Variants in PSME3 observed in about 807,000 individuals in gnomAD.
PSME3 encodes the protein proteasome activator subunit 3.
PSME3 carries 7 observed loss-of-function variants against 38.3 expected under a neutral mutation model. The observed-to-expected ratio is 0.18, with a 90% confidence interval of 0.10 to 0.34. PSME3 has a LOEUF of 0.34. Ranked by LOEUF, PSME3 falls within the 10% of genes least tolerant of loss-of-function variation. PSME3 has a pLI of 1.00. For synonymous variants in PSME3, 108 were observed against 105.7 expected (o/e 1.02, Z -0.13); for missense variants, 192 against 307.6 (o/e 0.62, Z 2.81).
chr17:42,842,085 C>T lies in PSME3; in HGVS notation c.*507C>T, dbSNP rs1199235653. 6.5e-6 allele frequency: 1 copy of T among 152,832 alleles called. No homozygotes were observed. Among genetic ancestry groups the T allele is most frequent in the East Asian group, 1.9e-4 (1 of 5,332 alleles). 9.5% of individuals were successfully genotyped at this position (152,832 alleles called of 1,614,324 possible). A position where few individuals can be genotyped will look rare whatever the true frequency, so the allele number is the denominator to read the frequency against. ...CCTCCCACAGTTGCCCTGGTGATGA[C>T]TTAGGGCTTCCCATCTGTGTACATC... On this transcript the variant is annotated 3_prime_UTR_variant, in exon 11 of 11. Transcript: ENST00000590720.
Position 42,833,556 on chromosome 17 carries a change from C to G in PSME3, c.-76C>G. 2 of 1,589,834 alleles carry G rather than the reference C, an allele frequency of 1.3e-6. No homozygotes were observed. The highest frequency in any genetic ancestry group is 1.1e-5 in the South Asian group (1 of 90,404). On this transcript the variant is annotated 5_prime_UTR_variant, in exon 1 of 11. Coordinates refer to ENST00000590720, the MANE Select transcript of PSME3 (RefSeq NM_005789.4). Reference sequence around the variant, plus strand: ...GGTCCCGAGGTCAGCCGAGATTTCTCAGGTCCCTCCGGCCCCCTCCCTGGA... The same window carrying G: ...GGTCCCGAGGTCAGCCGAGATTTCTGAGGTCCCTCCGGCCCCCTCCCTGGA...
rs767182850 is a variant in PSME3, at chr17:42,841,593, C to T, written c.*15C>T. 64 of 1,563,664 alleles carry T rather than the reference C, an allele frequency of 4.1e-5. 2 individuals carry two copies. In the South Asian group the frequency reaches 5.8e-4, roughly 14 times the overall value. The stretch of plus-strand genomic sequence containing the variant: ...CTCTGTACTGAGGCCAGGGCCAGGG[C>T]CAGGGGACTCTGTGAGTCTGGCTCA... On this transcript the variant is annotated 3_prime_UTR_variant, in exon 11 of 11. Transcript: ENST00000590720.
Position 42,839,163 on chromosome 17 carries a change from T to C in PSME3, c.594T>C (p.His198=). 1 of 1,579,582 alleles carries C rather than the reference T, an allele frequency of 6.3e-7. No individual in the cohort carries two copies. Among genetic ancestry groups the C allele is most frequent in the African/African-American group, 1.3e-5 (1 of 74,176 alleles). Residue 198 remains histidine (H), a synonymous_variant, in exon 9 of 11, where the codon CAT becomes CAC. Transcript: ENST00000590720. Reference sequence around the variant, plus strand: ...TTTCTAAAATAGCTAAATATCCCCATGTGGTAAGTAAGGGGTTTGTGGCCT... The same window carrying C: ...TTTCTAAAATAGCTAAATATCCCCACGTGGTAAGTAAGGGGTTTGTGGCCT... ...KLVSKIAKYP[H]VEDYRRTVTE...
In PSME3 at chr17:42,843,665, G is replaced by A. The variant is rs1411096060; in HGVS notation, c.*2087G>A. Reference sequence around the variant, plus strand: ...TCCTGAATAATGTCTTCAGTTTCTTGAGGAGACTCCTAGTTTTGGTTTTCA... The same window carrying A: ...TCCTGAATAATGTCTTCAGTTTCTTAAGGAGACTCCTAGTTTTGGTTTTCA... On this transcript the variant is annotated 3_prime_UTR_variant, in exon 11 of 11. Coordinates refer to ENST00000590720, the MANE Select transcript of PSME3 (RefSeq NM_005789.4). The A allele has an allele frequency of 6.6e-6, 1 of 152,280 alleles. No homozygotes were observed. Among genetic ancestry groups the A allele is most frequent in the Non-Finnish European group, 1.5e-5 (1 of 68,032 alleles). The allele number at this position is 152,280 out of a possible 1,614,324, so 9.4% of individuals were successfully genotyped here.
Position 42,837,992 on chromosome 17 carries a change from G to A in PSME3, c.293-101G>A, listed in dbSNP as rs142149292. On this transcript the variant is annotated intron_variant, in intron 5 of 10. Transcript: ENST00000590720. ...TCATGGTAGGATTGTGACAAAGGCA[G>A]AGGTCATAGCATCTGATAGGTATAG... 521 of 1,257,368 alleles carry A rather than the reference G, an allele frequency of 4.1e-4. 4 individuals are homozygous for A. In the African/African-American group the frequency reaches 6.6e-3, roughly 16 times the overall value. The allele number at this position is 1,257,368 out of a possible 1,614,324, so 77.9% of individuals were successfully genotyped here. A position where few individuals can be genotyped will look rare whatever the true frequency, so the allele number is the denominator to read the frequency against.
Position 42,838,121 on chromosome 17 carries a change from G to T in PSME3, c.321G>T (p.Gly107=). ...CCAAGGTGTTTGTGATGCCCAATGG[G>T]ATGCTGAAAAGCAACCAGCAGCTGG... ...QGTKVFVMPN[G]MLKSNQQLVD... Residue 107 remains glycine (G), a synonymous_variant, in exon 6 of 11, where the codon GGG becomes GGT. Coordinates refer to ENST00000590720, the MANE Select transcript of PSME3 (RefSeq NM_005789.4). The T allele has an allele frequency of 6.2e-7, 1 of 1,614,126 alleles. No individual in the cohort carries two copies. Among genetic ancestry groups the T allele is most frequent in the Non-Finnish European group, 8.5e-7 (1 of 1,180,014 alleles).
rs887609957 is a variant in PSME3, at chr17:42,834,028, G to C, written c.43-316G>C. On this transcript the variant is annotated intron_variant, in intron 1 of 10. Coordinates refer to ENST00000590720, the MANE Select transcript of PSME3 (RefSeq NM_005789.4). ...GTATCATAGACTAGGTCTGGGTGGGGGTTGGCACGTTTGTGAGCTCACATC... is the reference window on the plus strand; with the variant it reads ...GTATCATAGACTAGGTCTGGGTGGGCGTTGGCACGTTTGTGAGCTCACATC... 4.0e-5 allele frequency: 57 copies of C among 1,440,006 alleles called. No homozygotes were observed. The East Asian group carries it at 1.4e-3, about 35-fold the overall frequency. The allele number at this position is 1,440,006 out of a possible 1,614,324, so 89.2% of individuals were successfully genotyped here. A position where few individuals can be genotyped will look rare whatever the true frequency, so the allele number is the denominator to read the frequency against.
chr17:42,839,143 A>T lies in PSME3; in HGVS notation c.574A>T (p.Lys192Ter). The change falls in exon 9 of 11, where the codon AAA becomes TAA. Residue 192 changes from lysine to a stop codon, truncating the protein, a stop_gained. Transcript: ENST00000590720. LOFTEE classifies it high-confidence loss of function. ...TATTACAAGAGCCAAATTGGTTTCT[A>T]AAATAGCTAAATATCCCCATGTGGT... Reference protein sequence around the residue: ...YYITRAKLVSKIAKYPHVEDY... With the variant: ...YYITRAKLVS 1 of 1,587,600 alleles carries T rather than the reference A, an allele frequency of 6.3e-7. No individual in the cohort carries two copies. Among genetic ancestry groups the T allele is most frequent in the Non-Finnish European group, 8.7e-7 (1 of 1,155,858 alleles).
At chr17:42,837,985 A>T in intron 5 of PSME3, 108 bp from the exon 6 acceptor site, 1 of 1,211,776 alleles carries the variant, frequency 8.3e-7, no homozygotes, top group Non-Finnish European at 1.2e-6. Context: ...GGATTGTGAC[A>T]AAGGCAGAGG....
At chr17:42,835,233 C>T (rs2144242744) in intron 4 of PSME3, among the ~76,000 whole-genome samples, 1 of 152,174 alleles carries the variant, frequency 6.6e-6, no homozygotes, top group East Asian at 1.9e-4. Context: ...GATGGGGTTT[C>T]ACCATGTTGC....
chr17:42,838,428 C>T (rs1272552238), intron 6 of PSME3, among the ~76,000 whole-genome samples: 2 of 152,134 alleles, frequency 1.3e-5, no homozygotes, highest in African/African-American at 4.8e-5. Context: ...CTGCCTCAGC[C>T]TCCCGAGTAG....
intron 4 of PSME3, 100 bp downstream of exon 4, chr17:42,834,976 G>T: frequency 6.6e-7 from 1 of 1,524,664 alleles, no homozygotes. Flanking sequence ...GTGGGATTTG[G>T]ATCTGGGAAC....
intron 4 of PSME3, among the ~76,000 whole-genome samples, chr17:42,836,332 C>T (rs1320920894): frequency 6.6e-6 from 1 of 152,002 alleles, no homozygotes; most frequent in African/African-American, 2.4e-5. Context: ...TCTTTGTATT[C>T]CCAGCACCTA....
At chr17:42,837,873 C>T in intron 5 of PSME3, 176 bp downstream of exon 5, 1 of 880,946 alleles carries the variant, frequency 1.1e-6, no homozygotes, top group East Asian at 2.6e-5. Context: ...ACCTGGTTTT[C>T]CAATAAACAG....
In PSME3 at chr17:42,841,479, C is replaced by G. The variant is rs747260458; in HGVS notation, c.685-19C>G. ...AGGGTTGTACAGATATGTGATTCCCCTGATCCCTCTTCTCTCAGGTCACTC... is the reference window on the plus strand; with the variant it reads ...AGGGTTGTACAGATATGTGATTCCCGTGATCCCTCTTCTCTCAGGTCACTC... On this transcript the variant is annotated intron_variant, in intron 10 of 10. Transcript: ENST00000590720. 1.3e-6 allele frequency: 2 copies of G among 1,539,404 alleles called. No homozygotes were observed. Among genetic ancestry groups the G allele is most frequent in the South Asian group, 2.3e-5 (2 of 87,280 alleles).
chr17:42,837,005 C>T (rs138401692), intron 4 of PSME3, among the ~76,000 whole-genome samples: 3 of 151,912 alleles, frequency 2.0e-5, no homozygotes, highest in South Asian at 4.2e-4. Context: ...CTCAGCCTTC[C>T]GAGTAGATGG....
chr17:42,833,884 C>T (rs1201929848), intron 1 of PSME3: 3 of 1,465,074 alleles, frequency 2.0e-6, no homozygotes, highest in Non-Finnish European at 2.7e-6. Flanking sequence ...TGGAGAGTCC[C>T]GGGGACACCT....
At chr17:42,838,487 T>C (rs1475610409) in intron 6 of PSME3, among the ~76,000 whole-genome samples, 1 of 152,100 alleles carries the variant, frequency 6.6e-6, no homozygotes, top group Non-Finnish European at 1.5e-5. Context: ...TTTGTATTTT[T>C]AGTAGAGACG....
At chr17:42,838,260 CA>C in intron 6 of PSME3, 55 bp downstream of exon 6, 1 of 1,599,322 alleles carries the variant, frequency 6.3e-7, no homozygotes, top group Non-Finnish European at 8.5e-7. Flanking sequence ...ACCTGAAGTG[CA>C]AAAAACAGTG....
Sources: gnomAD v4.1 joint callset for allele counts (sites outside exome capture counted in the v4.1 genomes callset) on GRCh38, gnomAD v4.1.1 for gene constraint, MANE v1.5 for transcripts, NCBI Gene and HGNC (gene_info 2026-07-23, HGNC 2026-07-21) for gene names.